Variants in SPAG4 observed in about 807,000 individuals in gnomAD.
SPAG4 encodes the protein sperm associated antigen 4.
SPAG4 carries 54 observed loss-of-function variants against 53.9 expected under a neutral mutation model. That is an observed-to-expected ratio of 1.00 (90% CI 0.80 to 1.26). SPAG4 has a LOEUF of 1.26. SPAG4 is among the 50% of genes most tolerant of loss of function. The probability of loss-of-function intolerance (pLI) is 0.00; values close to 1 mark genes in which losing one functional copy is unlikely to be tolerated. For missense variants in SPAG4, 548 were observed against 568.6 expected (o/e 0.96, Z 0.37); for synonymous variants, 246 against 237.4 (o/e 1.04, Z -0.33).
At position 35,620,919 on chromosome 20, in the gene SPAG4, T is replaced by C; in HGVS notation, c.1211T>C (p.Leu404Pro). The change falls in exon 12 of 12, where the codon CTA (leucine) becomes CCA (proline). Residue 404 changes from leucine (L) to proline (P), a missense_variant. By Grantham distance (98) the Leu-to-Pro change is moderately conservative. Transcript: ENST00000374273. ...TTTCCCAAGGTGAAGATCCAGATTCTAAGCAACTGGGGCCACCCCCGTTTC... is the reference window on the plus strand; with the variant it reads ...TTTCCCAAGGTGAAGATCCAGATTCCAAGCAACTGGGGCCACCCCCGTTTC... ...AAFPKVKIQI[L>P]SNWGHPRFTC... 1.2e-6 allele frequency: 2 copies of C among 1,614,200 alleles called. No individual in the cohort carries two copies. Among genetic ancestry groups the C allele is most frequent in the Non-Finnish European group, 1.7e-6 (2 of 1,180,026 alleles).
At chr20:35,619,546 G>T (rs752729873) in intron 9 of SPAG4, 33 bp from the exon 10 acceptor site, 1 of 1,603,280 alleles carries the variant, frequency 6.2e-7, no homozygotes, top group Non-Finnish European at 8.5e-7. Flanking sequence ...CGCTCTGTCC[G>T]ACGGTTCCGA....
rs1568897289 is a variant in SPAG4, at chr20:35,616,021, C to T, written c.18C>T (p.Arg6=). ...GGGTCAGGATGCGGCGAAGCTCCCG[C>T]CCGGGCTCGGCCTCGTCCTCGCGCA... MRRSS[R]PGSASSSRKH... is the part of the protein sequence containing the mutation. The change falls in exon 1 of 12, where the codon CGC becomes CGT. Residue 6 remains arginine, a synonymous_variant. Coordinates refer to ENST00000374273, the MANE Select transcript of SPAG4 (RefSeq NM_003116.3). 6.2e-7 allele frequency: 1 copy of T among 1,612,026 alleles called. No individual in the cohort carries two copies. The highest frequency in any genetic ancestry group is 8.5e-7 in the Non-Finnish European group (1 of 1,179,610).
At position 35,618,969 on chromosome 20, in the gene SPAG4, G is replaced by C; in HGVS notation, c.764G>C (p.Arg255Pro). 1 of 1,614,168 alleles carries C rather than the reference G, an allele frequency of 6.2e-7. No individual in the cohort carries two copies. The highest frequency in any genetic ancestry group is 8.5e-7 in the Non-Finnish European group (1 of 1,179,978). The stretch of plus-strand genomic sequence containing the variant: ...CAGAGGCTGAATGAGGATTTTGTGC[G>C]GAAGCCCGACTATGCTTTGAGCTCT... ...VFQRLNEDFV[R>P]KPDYALSSVG... The change falls in exon 8 of 12, where the codon CGG (arginine) becomes CCG (proline). Residue 255 changes from arginine to proline, a missense_variant. Coordinates refer to ENST00000374273, the MANE Select transcript of SPAG4 (RefSeq NM_003116.3).
In SPAG4 at chr20:35,615,982, G is replaced by C; in HGVS notation, c.-22G>C. The C allele has an allele frequency of 6.2e-7, 1 of 1,608,102 alleles. No homozygotes were observed. Among genetic ancestry groups the C allele is most frequent in the Middle Eastern group, 1.7e-4 (1 of 6,050 alleles). ...CCGCAGCGGCGGCTTTAGCGTCAGT[G>C]ACTAGGCAGCAGGGGGTCAGGATGC... On this transcript the variant is annotated 5_prime_UTR_variant, in exon 1 of 12. Transcript: ENST00000374273.
Position 35,616,183 on chromosome 20 carries a change from C to G in SPAG4, c.180C>G (p.Pro60=). The change falls in exon 1 of 12, where the codon CCC becomes CCG. Residue 60 remains proline, a synonymous_variant. Transcript: ENST00000374273. ...CCCGGGGCCCGAGCTGCGGTGAGCC[C>G]GCCTTGAGCGCGGGAGTGCCCGGAG... The part of the protein sequence containing the change: ...RRARGPSCGE[P]ALSAGVPGGT... 1 of 1,591,778 alleles carries G rather than the reference C, an allele frequency of 6.3e-7. No homozygotes were observed. The highest frequency in any genetic ancestry group is 8.5e-7 in the Non-Finnish European group (1 of 1,170,666).
chr20:35,620,065 G>A (rs541701798), intron 10 of SPAG4, among the ~76,000 whole-genome samples: 1 of 152,272 alleles, frequency 6.6e-6, no homozygotes, highest in Admixed American at 6.5e-5. Flanking sequence ...CAGCCTCTAG[G>A]ATTCAAGCGA....
chr20:35,620,731 CT>C lies in SPAG4; in HGVS notation c.1127del (p.Phe376SerfsTer24), dbSNP rs1425048575. ...CTGAAGTTTCCTTGGGGAAATTCAC[CT>C]TCGATGTTGAGAAATCGGAGATTCA... ...ETEVSLGKFT[F>X]DVEKSEIQTF... On this transcript the variant is annotated frameshift_variant, in exon 11 of 12. Coordinates refer to ENST00000374273, the MANE Select transcript of SPAG4 (RefSeq NM_003116.3). LOFTEE classifies it high-confidence loss of function. 2 of 1,574,058 alleles carry C rather than the reference CT, an allele frequency of 1.3e-6. No individual in the cohort carries two copies. The highest frequency in any genetic ancestry group is 1.7e-6 in the Non-Finnish European group (2 of 1,155,224).
intron 4 of SPAG4, 30 bp from the exon 5 acceptor site, chr20:35,618,057 C>T: frequency 6.2e-7 from 1 of 1,610,426 alleles, no homozygotes. Flanking sequence ...CTTCCTTTTC[C>T]TTCTGAGACC....
Position 35,618,930 on chromosome 20 carries a change from C to T in SPAG4, c.725C>T (p.Ala242Val), listed in dbSNP as rs1182022310. The T allele has an allele frequency of 6.2e-7, 1 of 1,614,168 alleles. No homozygotes were observed. The change falls in exon 8 of 12, where the codon GCC (alanine) becomes GTC (valine). Residue 242 changes from alanine to valine, a missense_variant. Coordinates refer to ENST00000374273, the MANE Select transcript of SPAG4 (RefSeq NM_003116.3). Reference sequence around the variant, plus strand: ...CGCCCTCCCTCCTTGCAGAGAGTGGCCAAGCTCGTGTTCCAGAGGCTGAAT... The same window carrying T: ...CGCCCTCCCTCCTTGCAGAGAGTGGTCAAGCTCGTGTTCCAGAGGCTGAAT... ...TVRAANSERV[A>V]KLVFQRLNED...
In SPAG4 at chr20:35,616,041, C is replaced by G. The variant is rs754272335; in HGVS notation, c.38C>G (p.Ser13Trp). 2 of 1,612,594 alleles carry G rather than the reference C, an allele frequency of 1.2e-6. No individual in the cohort carries two copies. The highest frequency in any genetic ancestry group is 1.7e-6 in the Non-Finnish European group (2 of 1,179,664). Residue 13 changes from serine to tryptophan, a missense_variant, in exon 1 of 12, where the codon TCG becomes TGG. By Grantham distance (177) the Ser-to-Trp change is radical. Coordinates refer to ENST00000374273, the MANE Select transcript of SPAG4 (RefSeq NM_003116.3). ...TCCCGCCCGGGCTCGGCCTCGTCCT[C>G]GCGCAAGCACACGCCCAACTTTTTC... ...RSSRPGSASS[S>W]RKHTPNFFSE...
intron 1 of SPAG4, among the ~76,000 whole-genome samples, chr20:35,616,620 G>A (rs1329015306): frequency 6.6e-6 from 1 of 150,718 alleles, no homozygotes; most frequent in Non-Finnish European, 1.5e-5. Context: ...TCCGTTTGGG[G>A]GAGGGACCAA....
At chr20:35,620,418 G>C (rs1426693805) in intron 10 of SPAG4, among the ~76,000 whole-genome samples, 1 of 152,106 alleles carries the variant, frequency 6.6e-6, no homozygotes, top group East Asian at 1.9e-4. Context: ...TTCCCGGGAG[G>C]TGGAGCTTGC....
chr20:35,617,999 C>T, intron 4 of SPAG4, 88 bp from the exon 5 acceptor site: 1 of 1,439,954 alleles, frequency 6.9e-7, no homozygotes, highest in Non-Finnish European at 9.7e-7. Flanking sequence ...AGGCTTAACC[C>T]CCTCAAGCCT....
Position 35,617,189 on chromosome 20 carries a change from C to T in SPAG4, c.358C>T (p.Leu120=), listed in dbSNP as rs144696498. 1.2e-6 allele frequency: 2 copies of T among 1,602,354 alleles called. No individual in the cohort carries two copies. The highest frequency in any genetic ancestry group is 2.7e-5 in the African/African-American group (2 of 74,710). The part of the protein sequence containing the change: ...SEEPLDLLPT[L]DLRQEMPPPR... ...GGAGCCGCTCGACCTTCTCCCGACC[C>T]TGGATCTGAGGCAGGAGATGCCTCC... Residue 120 remains leucine, a synonymous_variant, in exon 2 of 12, where the codon CTG becomes TTG. Coordinates refer to ENST00000374273, the MANE Select transcript of SPAG4 (RefSeq NM_003116.3).
intron 2 of SPAG4, 131 bp downstream of exon 2, chr20:35,617,371 C>G: frequency 1.1e-6 from 1 of 948,852 alleles, no homozygotes; most frequent in South Asian, 1.4e-5. Flanking sequence ...TCCTAGCCCC[C>G]ATCCAATTAT....
intron 4 of SPAG4, 72 bp from the exon 5 acceptor site, chr20:35,618,015 C>T: frequency 7.2e-6 from 11 of 1,529,268 alleles, no homozygotes; most frequent in Non-Finnish European, 9.0e-6. Flanking sequence ...AGCCTCTTTC[C>T]ACTGTCCCCC....
chr20:35,619,106 G>A (rs2034789370), intron 8 of SPAG4, 89 bp from the exon 9 acceptor site: 1 of 1,122,286 alleles, frequency 8.9e-7, no homozygotes, highest in African/African-American at 1.5e-5. Context: ...GCCTCGGACA[G>A]CCCCCACCCG....
intron 1 of SPAG4, among the ~76,000 whole-genome samples, chr20:35,616,601 G>A (rs1601403734): frequency 6.6e-6 from 1 of 152,060 alleles, no homozygotes; most frequent in Admixed American, 6.6e-5. Flanking sequence ...TAAGGCTGGG[G>A]GCGGGTCATC....
At chr20:35,617,444 A>C in intron 2 of SPAG4, 76 bp from the exon 3 acceptor site, 1 of 1,062,208 alleles carries the variant, frequency 9.4e-7, no homozygotes, top group South Asian at 1.4e-5. Context: ...GCCCCTTCTG[A>C]ACCCGGACAC....
Sources: allele counts gnomAD v4.1 joint callset (sites outside exome capture counted in the v4.1 genomes callset), GRCh38; gene constraint gnomAD v4.1.1; transcripts MANE v1.5; gene names NCBI Gene and HGNC (gene_info 2026-07-23, HGNC 2026-07-21).